ADGRB3: variants seen among roughly 807,000 people sequenced by gnomAD.
ADGRB3 encodes adhesion G protein-coupled receptor B3.
In ADGRB3, 37 loss-of-function variants were observed where a neutral mutation model predicts 193.4. The ratio of observed to expected loss-of-function variants is 0.19; its 90% CI spans 0.15 to 0.25. The LOEUF (loss-of-function observed/expected upper bound fraction) is 0.25, where lower values mean the gene tolerates loss of function less well. Ranked by LOEUF, ADGRB3 falls within the 10% of genes least tolerant of loss-of-function variation. The pLI is 1.00. For missense variants in ADGRB3, 1,637 were observed against 1,852.9 expected (o/e 0.88, Z 2.14); for synonymous variants, 690 against 644.2 (o/e 1.07, Z -1.08).
intron 20 of ADGRB3, among the ~76,000 whole-genome samples, chr6:69,279,175 G>GATCCTAA (rs1177322536): frequency 3.7e-4 from 53 of 143,600 alleles, no homozygotes; most frequent in African/African-American, 1.3e-3. Flanking sequence ...AAGCTGAAAA[G>GATCCTAA]ATCCTAAGTC....
At chr6:68,990,489 T>A (rs987191966) in intron 10 of ADGRB3, among the ~76,000 whole-genome samples, 2 of 152,138 alleles carry the variant, frequency 1.3e-5, no homozygotes, top group African/African-American at 2.4e-5. Flanking sequence ...TGCTAAGAGC[T>A]GGACTGACAA....
chr6:68,984,835 T>C (rs554556910), intron 10 of ADGRB3, among the ~76,000 whole-genome samples: 1 of 152,118 alleles, frequency 6.6e-6, no homozygotes, highest in African/African-American at 2.4e-5. Flanking sequence ...ATGGGAAAGA[T>C]GAATACAGTG....
intron 3 of ADGRB3, among the ~76,000 whole-genome samples, chr6:68,699,020 A>G (rs1270701867): frequency 6.6e-6 from 1 of 152,130 alleles, no homozygotes. Flanking sequence ...CCTGGAGGAA[A>G]ATTAATAAAA....
At chr6:68,644,243 C>T (rs1055161825) in intron 3 of ADGRB3, among the ~76,000 whole-genome samples, 16 of 151,816 alleles carry the variant, frequency 1.1e-4, no homozygotes, top group Admixed American at 2.0e-4. Flanking sequence ...TTTATAATTT[C>T]CAATTTTATT....
chr6:68,859,964 ATAAT>A lies in ADGRB3; in HGVS notation c.758-70592_758-70589del, dbSNP rs139519278. On this transcript the variant is annotated intron_variant, in intron 3 of 31. Coordinates refer to ENST00000370598, the MANE Select transcript of ADGRB3 (RefSeq NM_001704.3). ...ATGAAATAATTCATTTAAAAATAAA[ATAAT>A]TATTCCATAACATAATAGTAACTAT... Among the ~76,000 whole-genome samples, 249 of 152,314 alleles carry A rather than the reference ATAAT, an allele frequency of 1.6e-3. 3 individuals are homozygous for A. The highest frequency in any genetic ancestry group is 5.8e-3 in the African/African-American group (240 of 41,578).
At chr6:69,381,897 C>A (rs1429899359) in intron 30 of ADGRB3, among the ~76,000 whole-genome samples, 3 of 151,724 alleles carry the variant, frequency 2.0e-5, no homozygotes, top group African/African-American at 7.3e-5. Context: ...GGAGAATCAC[C>A]AAAATATTGA....
intron 5 of ADGRB3, among the ~76,000 whole-genome samples, chr6:68,943,297 A>T (rs1042077183): frequency 6.6e-6 from 1 of 152,134 alleles, no homozygotes; most frequent in Non-Finnish European, 1.5e-5. Flanking sequence ...AATGGCAAAA[A>T]ATCTATTTTC....
At chr6:68,644,141 A>G (rs1768149856) in intron 3 of ADGRB3, among the ~76,000 whole-genome samples, 2 of 152,050 alleles carry the variant, frequency 1.3e-5, no homozygotes, top group Admixed American at 6.5e-5. Flanking sequence ...ACAGCAATAA[A>G]TAGGTTACAG....
chr6:68,959,796 C>T (rs534116344), intron 8 of ADGRB3, among the ~76,000 whole-genome samples: 2 of 152,112 alleles, frequency 1.3e-5, no homozygotes, highest in South Asian at 4.2e-4. Flanking sequence ...GCTAGTTGGG[C>T]TATAGAATAG....
intron 3 of ADGRB3, among the ~76,000 whole-genome samples, chr6:68,716,812 G>C (rs925826808): frequency 4.0e-5 from 6 of 151,654 alleles, no homozygotes; most frequent in African/African-American, 1.2e-4. Flanking sequence ...TTTGTGGAGA[G>C]TCTGCATCCA....
intron 17 of ADGRB3, among the ~76,000 whole-genome samples, chr6:69,199,474 T>G (rs1271489020): frequency 6.6e-6 from 1 of 152,082 alleles, no homozygotes. Context: ...TCCTGGTGTA[T>G]GATCATTGTT....
intron 20 of ADGRB3, among the ~76,000 whole-genome samples, chr6:69,313,549 A>T (rs1768243852): frequency 1.3e-5 from 2 of 151,784 alleles, no homozygotes; most frequent in Non-Finnish European, 2.9e-5. Flanking sequence ...GCTTGTTGCA[A>T]GTTGAAAGCA....
At chr6:68,779,832 C>T (rs1013890599) in intron 3 of ADGRB3, among the ~76,000 whole-genome samples, 5 of 152,080 alleles carry the variant, frequency 3.3e-5, no homozygotes, top group African/African-American at 9.7e-5. Flanking sequence ...GTACTGACTT[C>T]TTTATTTCCC....
intron 3 of ADGRB3, among the ~76,000 whole-genome samples, chr6:68,883,905 T>G (rs1765817831): frequency 6.6e-6 from 1 of 152,216 alleles, no homozygotes. Context: ...TAATTAAAAT[T>G]GGAATTAATA....
intron 17 of ADGRB3, among the ~76,000 whole-genome samples, chr6:69,115,457 G>A (rs967986067): frequency 6.6e-6 from 1 of 151,846 alleles, no homozygotes; most frequent in Non-Finnish European, 1.5e-5. Context: ...GGGATCGGGG[G>A]TTAGGGGAGG....
chr6:68,907,380 CT>C, intron 3 of ADGRB3, among the ~76,000 whole-genome samples: 1 of 151,652 alleles, frequency 6.6e-6, no homozygotes, highest in East Asian at 1.9e-4. Flanking sequence ...TGTATAAATT[CT>C]TTGATTCTTA....
intron 3 of ADGRB3, among the ~76,000 whole-genome samples, chr6:68,649,191 A>C (rs1456461357): frequency 6.6e-6 from 1 of 152,114 alleles, no homozygotes; most frequent in Non-Finnish European, 1.5e-5. Flanking sequence ...GTACTTTTGA[A>C]ACTGAATCAC....
chr6:69,101,303 G>A (rs1582461322), intron 17 of ADGRB3, among the ~76,000 whole-genome samples: 1 of 152,110 alleles, frequency 6.6e-6, no homozygotes, highest in African/African-American at 2.4e-5. Flanking sequence ...GCTCTATAAT[G>A]TAGTGAAATA....
chr6:69,368,862 T>G (rs986270084), intron 29 of ADGRB3, among the ~76,000 whole-genome samples: 1 of 152,024 alleles, frequency 6.6e-6, no homozygotes, highest in Non-Finnish European at 1.5e-5. Flanking sequence ...TAATGGAGTA[T>G]TGAGAATAGA....
Sources: allele counts gnomAD v4.1 joint callset (sites outside exome capture counted in the v4.1 genomes callset), GRCh38; gene constraint gnomAD v4.1.1; transcripts MANE v1.5; gene names NCBI Gene and HGNC (gene_info 2026-07-23, HGNC 2026-07-21).